SF3A1: variants seen among roughly 807,000 people sequenced by gnomAD.
SF3A1 encodes the protein SAP 114.
A neutral mutation model predicts 89.9 loss-of-function variants in SF3A1; 13 were observed. The observed-to-expected ratio is 0.14, with a 90% CI of 0.09 to 0.23. The LOEUF (loss-of-function observed/expected upper bound fraction) is 0.23. Ranked by LOEUF, SF3A1 falls within the 10% of genes least tolerant of loss-of-function variation. The pLI, the probability that SF3A1 is intolerant of heterozygous loss-of-function variation, is 1.00. For synonymous variants in SF3A1, 405 were observed against 374.4 expected (o/e 1.08, Z -0.94); for missense variants, 604 against 1,022.1 (o/e 0.59, Z 5.58).
intron 2 of SF3A1, among the ~76,000 whole-genome samples, chr22:30,347,201 G>A (rs1243227635): frequency 6.6e-6 from 1 of 152,178 alleles, no homozygotes; most frequent in Non-Finnish European, 1.5e-5. Context: ...GGAGGCTGAG[G>A]TGGGAGGATC....
At chr22:30,352,688 T>C (rs1931639096) in intron 2 of SF3A1, 1 of 339,582 alleles carries the variant, frequency 2.9e-6, no homozygotes, top group Non-Finnish European at 5.5e-6. Flanking sequence ...ATGAAGCAGC[T>C]TTCCAGGCAT....
chr22:30,342,967 G>A (rs1601694904), intron 4 of SF3A1, 88 bp from the exon 5 acceptor site: 1 of 805,014 alleles, frequency 1.2e-6, no homozygotes, highest in Non-Finnish European at 2.1e-6. Flanking sequence ...TAAAGCACAG[G>A]AGATGAGGAA....
At chr22:30,355,063 C>T (rs916315149) in intron 1 of SF3A1, among the ~76,000 whole-genome samples, 2 of 151,806 alleles carry the variant, frequency 1.3e-5, no homozygotes, top group South Asian at 2.1e-4. Context: ...CTCTTGCTGT[C>T]GCCCAGGCTG....
Position 30,356,191 on chromosome 22 carries a change from G to C in SF3A1, c.63+539C>G, listed in dbSNP as rs530729340. ...AGCATTCTCATATGTCTGTCTTCTC[G>C]TTAGCCTGTGAGCTCCCTAGGCAGG... On this transcript the variant is annotated intron_variant, in intron 1 of 15. Transcript: ENST00000215793. Among the ~76,000 whole-genome samples, 390 of 152,250 alleles carry C rather than the reference G, an allele frequency of 2.6e-3. 1 individual carries two copies. The highest frequency in any genetic ancestry group is 8.4e-3 in the African/African-American group (347 of 41,542).
intron 15 of SF3A1, 61 bp from the exon 16 acceptor site, chr22:30,334,756 C>A: frequency 8.6e-7 from 1 of 1,169,282 alleles, no homozygotes; most frequent in African/African-American, 1.6e-5. Flanking sequence ...ACCGCTGCAA[C>A]CTTACAACTG....
rs766798912 is a variant in SF3A1 at position 30,356,798 on chromosome 22, C to G, written c.-6G>C. 18 of 1,396,252 alleles carry G rather than the reference C, an allele frequency of 1.3e-5. No homozygotes were observed. Among genetic ancestry groups the G allele is most frequent in the Non-Finnish European group, 4.7e-6 (5 of 1,065,660 alleles). 86.5% of individuals were successfully genotyped at this position (1,396,252 alleles called of 1,614,324 possible). A position where few individuals can be genotyped will look rare whatever the true frequency, so the allele number is the denominator to read the frequency against. ...TGCACGGGTCCGGCCGGCATGACTG[C>G]GACGCTCAGGGCTGCCAGTCCGCCT... On this transcript the variant is annotated 5_prime_UTR_variant, in exon 1 of 16. Coordinates refer to ENST00000215793, the MANE Select transcript of SF3A1 (RefSeq NM_005877.6).
rs772730777 is a variant in SF3A1 at position 30,338,842 on chromosome 22, T to C, written c.1690A>G (p.Thr564Ala). Residue 564 changes from threonine (T) to alanine (A), a missense_variant, in exon 11 of 16, where the codon ACC becomes GCC. By Grantham distance (58) the Thr-to-Ala change is moderately conservative. This residue lies in a region of SF3A1 where 85 missense variants were observed against 137.3 expected (regional missense o/e 0.62). Coordinates refer to ENST00000215793, the MANE Select transcript of SF3A1 (RefSeq NM_005877.6). ...PQQPPPPSSATNIPSSAPPIT... is the reference protein window; with the variant it reads ...PQQPPPPSSAANIPSSAPPIT... The stretch of plus-strand genomic sequence containing the variant: ...GGTGGAGCCGAGCTGGGGATGTTGG[T>C]GGCTGAAGATGGTGGCGGTGGCTGT... The C allele has an allele frequency of 6.2e-7, 1 of 1,614,160 alleles. No homozygotes were observed. Among genetic ancestry groups the C allele is most frequent in the Admixed American group, 1.7e-5 (1 of 60,028 alleles).
chr22:30,336,325 C>G (rs1931064843), intron 13 of SF3A1, among the ~76,000 whole-genome samples: 1 of 152,152 alleles, frequency 6.6e-6, no homozygotes, highest in Non-Finnish European at 1.5e-5. Context: ...CAAGACAAGC[C>G]TGGCCAACGT....
chr22:30,337,629 A>C (rs1242389856), intron 12 of SF3A1, 61 bp downstream of exon 12: 2 of 805,120 alleles, frequency 2.5e-6, no homozygotes, highest in Non-Finnish European at 4.2e-6. Flanking sequence ...TGCTCTGCTG[A>C]CAGTACTTGG....
intron 10 of SF3A1, 43 bp from the exon 11 acceptor site, chr22:30,339,077 C>G (rs897603842): frequency 3.1e-6 from 5 of 1,613,732 alleles, no homozygotes; most frequent in Non-Finnish European, 4.2e-6. Flanking sequence ...GAACTAAGAC[C>G]AAGTATGGAA....
rs1308775727 is a variant in SF3A1, at chr22:30,356,746, G to A, written c.47C>T (p.Pro16Leu). Residue 16 changes from proline (P) to leucine (L), a missense_variant, in exon 1 of 16, where the codon CCC (proline) becomes CTC (leucine). By Grantham distance (98) the Pro-to-Leu change is moderately conservative. Transcript: ENST00000215793. ...VQAVPPPPPV[P>L]TEPKQPTEEE... ...GAGAGGTACCTGTTTGGGCTCCGTG[G>A]GCACGGGCGGCGGCGGGGGCACCGC... The A allele has an allele frequency of 4.0e-6, 6 of 1,493,730 alleles. No individual in the cohort carries two copies. The highest frequency in any genetic ancestry group is 1.3e-5 in the South Asian group (1 of 76,562). The allele number at this position is 1,493,730 out of a possible 1,614,324, so 92.5% of individuals were successfully genotyped here.
rs1930985560 is a variant in SF3A1, at chr22:30,333,856, A to T, written c.*738T>A. On this transcript the variant is annotated 3_prime_UTR_variant, in exon 16 of 16. Coordinates refer to ENST00000215793, the MANE Select transcript of SF3A1 (RefSeq NM_005877.6). ...CCTGCCCAGGACCACAGAGCCAATC[A>T]ATCAGGTGATGAGTGATTCCAGGCC... 6.6e-6 allele frequency: 1 copy of T among 152,218 alleles called. No homozygotes were observed. The highest frequency in any genetic ancestry group is 1.5e-5 in the Non-Finnish European group (1 of 68,044). 9.4% of individuals were successfully genotyped at this position (152,218 alleles called of 1,614,324 possible).
At chr22:30,338,039 G>A in intron 11 of SF3A1, 142 bp from the exon 12 acceptor site, 2 of 709,474 alleles carry the variant, frequency 2.8e-6, no homozygotes, top group Non-Finnish European at 5.2e-6. Flanking sequence ...AGAAACTGTG[G>A]CCTACACTGG....
chr22:30,340,155 T>C (rs1237605859), intron 9 of SF3A1, 41 bp downstream of exon 9: 5 of 1,425,616 alleles, frequency 3.5e-6, no homozygotes, highest in Non-Finnish European at 4.6e-6. Flanking sequence ...ATGGCTGTAA[T>C]TCGGAGACTA....
At chr22:30,347,920 C>G (rs1193360325) in intron 2 of SF3A1, among the ~76,000 whole-genome samples, 1 of 152,388 alleles carries the variant, frequency 6.6e-6, no homozygotes, top group African/African-American at 2.4e-5. Context: ...CAGCTCACTG[C>G]AACCTCCACC....
intron 15 of SF3A1, 52 bp downstream of exon 15, chr22:30,335,415 A>G: frequency 1.4e-6 from 2 of 1,473,692 alleles, no homozygotes; most frequent in South Asian, 1.1e-5. Flanking sequence ...AGCTTCTGTG[A>G]AAGCAGAGGT....
At chr22:30,355,819 C>CCT (rs1555980855) in intron 1 of SF3A1, among the ~76,000 whole-genome samples, 5 of 107,962 alleles carry the variant, frequency 4.6e-5, no homozygotes, top group African/African-American at 1.1e-4. Context: ...TCATGTTCCC[C>CCT]CCCCCCGCCC....
intron 2 of SF3A1, among the ~76,000 whole-genome samples, chr22:30,347,594 C>A (rs990675706): frequency 6.6e-6 from 1 of 152,114 alleles, no homozygotes; most frequent in Non-Finnish European, 1.5e-5. Context: ...GTTTAGGGAA[C>A]CCTGATTTTT....
intron 2 of SF3A1, among the ~76,000 whole-genome samples, chr22:30,352,228 CAGAGCAATACCCATTCCATCTGA>C (rs1931620914): frequency 6.6e-6 from 1 of 152,006 alleles, no homozygotes. Flanking sequence ...AGGAGGAACT[CAGAGCAATACCCATTCCATCTGA>C]GGAGACGGCT....
Sources: gnomAD v4.1 joint callset for allele counts (sites outside exome capture counted in the v4.1 genomes callset) on GRCh38, gnomAD v4.1.1 for gene constraint, gnomAD v4.1.1 regional missense constraint, MANE v1.5 for transcripts, NCBI Gene and HGNC (gene_info 2026-07-23, HGNC 2026-07-21) for gene names.